ZDHHC20: variants seen among roughly 807,000 people sequenced by gnomAD.
ZDHHC20 encodes palmitoyltransferase ZDHHC20.
A neutral mutation model predicts 57.8 loss-of-function variants in ZDHHC20; 43 were observed. That is an observed-to-expected ratio of 0.74 (90% confidence interval 0.58 to 0.96). The LOEUF is 0.96. Among genes scored for constraint, ZDHHC20 ranks in the 40% least tolerant of loss-of-function variants. The pLI, the probability that ZDHHC20 is intolerant of heterozygous loss-of-function variation, is 0.00. For synonymous variants in ZDHHC20, 157 were observed against 153.0 expected, an observed-to-expected ratio of 1.03 and a Z score of -0.19; for missense variants, 391 against 441.1, an observed-to-expected ratio of 0.89 and a Z score of 1.02.
intron 1 of ZDHHC20, among the ~76,000 whole-genome samples, chr13:21,439,958 T>C (rs1882952194): frequency 6.7e-6 from 1 of 148,578 alleles, no homozygotes; most frequent in Non-Finnish European, 1.5e-5. Context: ...TCCCAGCTAC[T>C]CAACAGGCCG....
intron 1 of ZDHHC20, among the ~76,000 whole-genome samples, chr13:21,437,501 C>T (rs1039647720): frequency 2.6e-5 from 4 of 152,126 alleles, no homozygotes; most frequent in African/African-American, 7.2e-5. Context: ...AGTCAATGTC[C>T]AGCTTCAAAG....
chr13:21,417,053 C>A (rs569334240), intron 3 of ZDHHC20, among the ~76,000 whole-genome samples: 1 of 152,130 alleles, frequency 6.6e-6, no homozygotes, highest in South Asian at 2.1e-4. Context: ...CTGTTATATA[C>A]GAGGTCTGAT....
At chr13:21,452,142 A>T (rs1884502265) in intron 1 of ZDHHC20, among the ~76,000 whole-genome samples, 1 of 151,954 alleles carries the variant, frequency 6.6e-6, no homozygotes, top group Non-Finnish European at 1.5e-5. Context: ...GTTATATGGG[A>T]TGTTCAGAAA....
At chr13:21,401,194 A>G (rs1877575351) in intron 6 of ZDHHC20, among the ~76,000 whole-genome samples, 1 of 152,024 alleles carries the variant, frequency 6.6e-6, no homozygotes, top group Admixed American at 6.6e-5. Flanking sequence ...TGGAAGAATC[A>G]CCTGAGCCCA....
intron 12 of ZDHHC20, among the ~76,000 whole-genome samples, 178 bp downstream of exon 12, chr13:21,378,483 C>G (rs116084739): frequency 2.4e-4 from 37 of 152,094 alleles, no homozygotes; most frequent in African/African-American, 8.7e-4. Context: ...TAAGATTATT[C>G]TATAAGGAAT....
intron 6 of ZDHHC20, among the ~76,000 whole-genome samples, chr13:21,400,751 C>T (rs7325134): frequency 0.018 from 2,680 of 152,170 alleles, 71 homozygotes; most frequent in African/African-American, 0.062. Context: ...CATTCTGTTG[C>T]CCAGGCTGGA....
chr13:21,422,060 T>C (rs577567697), intron 2 of ZDHHC20, among the ~76,000 whole-genome samples: 46 of 152,294 alleles, frequency 3.0e-4, no homozygotes, highest in South Asian at 6.2e-4. Flanking sequence ...TGCTTAATAC[T>C]GATGAGGTAA....
At chr13:21,415,605 CTT>C (rs1879857615) in intron 3 of ZDHHC20, among the ~76,000 whole-genome samples, 1 of 152,142 alleles carries the variant, frequency 6.6e-6, no homozygotes, top group Non-Finnish European at 1.5e-5. Context: ...TTGGGCCCCT[CTT>C]GAATACTTTG....
chr13:21,400,509 A>C lies in ZDHHC20; in HGVS notation c.474-16T>G, dbSNP rs1321649105. 2.0e-6 allele frequency: 3 copies of C among 1,529,356 alleles called. No homozygotes were observed. The highest frequency in any genetic ancestry group is 2.6e-6 in the Non-Finnish European group (3 of 1,140,598). 94.7% of individuals were successfully genotyped at this position (1,529,356 alleles called of 1,614,324 possible). ...GTTATTCACCCTGGAAAAATAAAGA[A>C]AGCCACATTATAAAAGTAAGACAAA... On this transcript the variant is annotated splice_polypyrimidine_tract_variant and intron_variant, in intron 6 of 12. Coordinates refer to ENST00000400590, the MANE Select transcript of ZDHHC20 (RefSeq NM_001330059.2).
intron 1 of ZDHHC20, among the ~76,000 whole-genome samples, chr13:21,443,222 G>A (rs1339924061): frequency 6.6e-6 from 1 of 151,904 alleles, no homozygotes; most frequent in Admixed American, 6.6e-5. Context: ...TCTCCCCTAG[G>A]AGTGGTGTTT....
At chr13:21,391,650 G>C in intron 8 of ZDHHC20, 72 bp downstream of exon 8, 2 of 1,485,628 alleles carry the variant, frequency 1.3e-6, no homozygotes, top group Non-Finnish European at 1.8e-6. Flanking sequence ...TCTGACCCTT[G>C]TTCTTCTCTA....
chr13:21,383,606 T>A (rs1873875236), intron 9 of ZDHHC20, among the ~76,000 whole-genome samples: 1 of 152,236 alleles, frequency 6.6e-6, no homozygotes, highest in Non-Finnish European at 1.5e-5. Context: ...TTATGATGCC[T>A]AGTATAGCAC....
chr13:21,419,430 G>T (rs377342272), intron 3 of ZDHHC20, among the ~76,000 whole-genome samples: 1 of 152,196 alleles, frequency 6.6e-6, no homozygotes, highest in Non-Finnish European at 1.5e-5. Context: ...AGCCCTATTT[G>T]TAACAGCTCT....
chr13:21,378,008 G>GAA (rs934745139), intron 12 of ZDHHC20: 2 of 151,944 alleles, frequency 1.3e-5, no homozygotes, highest in African/African-American at 4.8e-5. Flanking sequence ...TCTCTGGGTC[G>GAA]AATTTCCTCA....
rs577802430 is a variant in ZDHHC20 at position 21,379,540 on chromosome 13, C to T, written c.1061-802G>A. Among the ~76,000 whole-genome samples, 55 of 152,232 alleles carry T rather than the reference C, an allele frequency of 3.6e-4. 1 individual carries two copies. The South Asian group carries it at 6.2e-3, about 17-fold the overall frequency. ...CAAGTGATCCTCCTGCCTCAGCCTC[C>T]GGAAGTGCTGGGATTACAGGTGTGA... is the stretch of plus-strand genomic sequence containing the variant. On this transcript the variant is annotated intron_variant, in intron 11 of 12. Coordinates refer to ENST00000400590, the MANE Select transcript of ZDHHC20 (RefSeq NM_001330059.2).
chr13:21,374,317 TG>T lies in ZDHHC20; in HGVS notation c.*2378del, dbSNP rs1871673798. ...TCGGCTCACTGCGACCTCCACCTCC[TG>T]GGTTCAAGTGATTCTCCTGCCTCCA... On this transcript the variant is annotated 3_prime_UTR_variant, in exon 13 of 13. Coordinates refer to ENST00000400590, the MANE Select transcript of ZDHHC20 (RefSeq NM_001330059.2). 2.4e-6 allele frequency: 1 copy of T among 424,246 alleles called. No individual in the cohort carries two copies. The highest frequency in any genetic ancestry group is 2.0e-5 in the African/African-American group (1 of 49,624). 26.3% of individuals were successfully genotyped at this position (424,246 alleles called of 1,614,324 possible).
intron 1 of ZDHHC20, among the ~76,000 whole-genome samples, chr13:21,432,497 T>A (rs1226646619): frequency 1.3e-5 from 2 of 151,904 alleles, no homozygotes. Context: ...GCCTGACTAA[T>A]TTTTTTTGTG....
chr13:21,389,334 T>A (rs551998359), intron 8 of ZDHHC20, among the ~76,000 whole-genome samples: 5 of 152,276 alleles, frequency 3.3e-5, no homozygotes, highest in African/African-American at 1.2e-4. Flanking sequence ...TGCTAAGCAA[T>A]GTTTTTTCAA....
chr13:21,447,443 C>A (rs1457460058), intron 1 of ZDHHC20, among the ~76,000 whole-genome samples: 6 of 148,472 alleles, frequency 4.0e-5, no homozygotes, highest in Admixed American at 2.0e-4. Context: ...CAGGCACGCG[C>A]CGCCACGCCT....
Sources: gnomAD v4.1 joint callset for allele counts (sites outside exome capture counted in the v4.1 genomes callset) on GRCh38, gnomAD v4.1.1 for gene constraint, MANE v1.5 for transcripts, NCBI Gene and HGNC (gene_info 2026-07-23, HGNC 2026-07-21) for gene names.